The following ADAM23 variants were observed in gnomAD, a reference collection of about 807,000 sequenced individuals.
ADAM23 encodes ADAM metallopeptidase domain 23.
A neutral mutation model predicts 120.1 loss-of-function variants in ADAM23; 33 were observed. The observed-to-expected ratio is 0.27, with a 90% CI of 0.21 to 0.37. ADAM23 has a LOEUF of 0.37. Ranked by LOEUF, ADAM23 falls within the 10% of genes least tolerant of loss-of-function variation. ADAM23 has a pLI of 1.00. For missense variants in ADAM23, 862 were observed against 1,058.2 expected, an observed-to-expected ratio of 0.81 and a Z score of 2.57; for synonymous variants, 367 against 375.2, an observed-to-expected ratio of 0.98 and a Z score of 0.25.
At chr2:206,571,264 A>G (rs1448698926) in intron 16 of ADAM23, among the ~76,000 whole-genome samples, 1 of 151,806 alleles carries the variant, frequency 6.6e-6, no homozygotes, top group Non-Finnish European at 1.5e-5. Flanking sequence ...TCACGAGGTC[A>G]GGAGATAGAG....
At chr2:206,584,507 C>T (rs909889496) in intron 18 of ADAM23, among the ~76,000 whole-genome samples, 53 of 152,052 alleles carry the variant, frequency 3.5e-4, no homozygotes, top group African/African-American at 1.3e-3. Flanking sequence ...CTGGCTTCCC[C>T]CACTTTCCTG....
At chr2:206,488,785 T>G (rs946843594) in intron 3 of ADAM23, among the ~76,000 whole-genome samples, 14 of 152,108 alleles carry the variant, frequency 9.2e-5, no homozygotes, top group African/African-American at 3.4e-4. Context: ...GTGGAGCCCA[T>G]AGCAGGTGCT....
chr2:206,587,580 G>GAA (rs5838034), intron 19 of ADAM23, among the ~76,000 whole-genome samples: 12,292 of 147,574 alleles, frequency 0.083, 668 homozygotes, highest in East Asian at 0.19. Context: ...CAGATTAAGA[G>GAA]AAAAAAAAAA....
intron 11 of ADAM23, among the ~76,000 whole-genome samples, chr2:206,560,674 G>A (rs1175602893): frequency 6.6e-6 from 1 of 152,114 alleles, no homozygotes; most frequent in Non-Finnish European, 1.5e-5. Context: ...TCATGGCAAA[G>A]CTATTTTCAG....
intron 24 of ADAM23, among the ~76,000 whole-genome samples, chr2:206,600,037 TA>T: frequency 6.6e-6 from 1 of 152,242 alleles, no homozygotes; most frequent in South Asian, 2.1e-4. Context: ...TCGTCTCTAC[TA>T]AAAATACAAA....
At chr2:206,538,067 C>A (rs1427536740) in intron 4 of ADAM23, among the ~76,000 whole-genome samples, 2 of 152,092 alleles carry the variant, frequency 1.3e-5, no homozygotes, top group Non-Finnish European at 2.9e-5. Flanking sequence ...CTAGTCCTCA[C>A]AAAGCTATTT....
chr2:206,508,655 CAAAA>C (rs34489352), intron 3 of ADAM23, among the ~76,000 whole-genome samples: 4 of 100,920 alleles, frequency 4.0e-5, no homozygotes, highest in African/African-American at 3.9e-5. Context: ...ACTCTGTCTC[CAAAA>C]AAAAAAAAAA....
intron 3 of ADAM23, among the ~76,000 whole-genome samples, chr2:206,498,120 T>A (rs963003713): frequency 6.6e-6 from 1 of 152,106 alleles, no homozygotes; most frequent in Admixed American, 6.5e-5. Flanking sequence ...AAGCTACCAA[T>A]GACTTTCTTC....
chr2:206,575,457 A>G (rs1283321184), intron 18 of ADAM23, among the ~76,000 whole-genome samples: 1 of 152,136 alleles, frequency 6.6e-6, no homozygotes, highest in East Asian at 1.9e-4. Context: ...GCAGTTTATT[A>G]TTAGTAGTAT....
chr2:206,567,438 T>C, intron 15 of ADAM23, 116 bp downstream of exon 15: 1 of 705,316 alleles, frequency 1.4e-6, no homozygotes, highest in East Asian at 2.7e-5. Flanking sequence ...TCAATCAGAT[T>C]AATATTTAGT....
At chr2:206,478,544 G>A (rs753664968) in intron 2 of ADAM23, among the ~76,000 whole-genome samples, 26 of 141,310 alleles carry the variant, frequency 1.8e-4, no homozygotes, top group Non-Finnish European at 3.3e-4. Context: ...GATGATGATG[G>A]CGTGTGCCAG....
chr2:206,478,617 A>G (rs1209833172), intron 2 of ADAM23, among the ~76,000 whole-genome samples: 6 of 152,276 alleles, frequency 3.9e-5, no homozygotes, highest in African/African-American at 1.4e-4. Context: ...TCTTGGCCAC[A>G]TGTTCTTGTT....
intron 18 of ADAM23, among the ~76,000 whole-genome samples, chr2:206,579,143 G>T (rs1270256250): frequency 6.6e-6 from 1 of 152,030 alleles, no homozygotes; most frequent in African/African-American, 2.4e-5. Flanking sequence ...TTCTTTGTTA[G>T]ATGCATAGAT....
chr2:206,523,056 T>A (rs1696876486), intron 3 of ADAM23, among the ~76,000 whole-genome samples: 1 of 152,182 alleles, frequency 6.6e-6, no homozygotes, highest in African/African-American at 2.4e-5. Flanking sequence ...CACTGGCTTT[T>A]AGGCTGATCA....
chr2:206,466,057 G>T (rs1695535809), intron 2 of ADAM23, among the ~76,000 whole-genome samples: 1 of 152,104 alleles, frequency 6.6e-6, no homozygotes, highest in African/African-American at 2.4e-5. Context: ...ATGAGATATT[G>T]TATATGACAA....
At chr2:206,476,221 GT>G (rs1299768539) in intron 2 of ADAM23, among the ~76,000 whole-genome samples, 35 of 152,164 alleles carry the variant, frequency 2.3e-4, no homozygotes, top group African/African-American at 7.0e-4. Context: ...ACATTTTCTT[GT>G]CTATTGATAT....
chr2:206,606,915 A>G (rs1257995371), intron 24 of ADAM23, among the ~76,000 whole-genome samples: 1 of 152,192 alleles, frequency 6.6e-6, no homozygotes, highest in Non-Finnish European at 1.5e-5. Context: ...ATCACTAGAT[A>G]TCTTTGACTC....
chr2:206,517,771 T>C (rs1696765413), intron 3 of ADAM23, among the ~76,000 whole-genome samples: 1 of 152,202 alleles, frequency 6.6e-6, no homozygotes, highest in Non-Finnish European at 1.5e-5. Context: ...TCATATCTTC[T>C]CTAGTCCTAA....
chr2:206,477,880 T>TAAA (rs71034456), intron 2 of ADAM23, among the ~76,000 whole-genome samples: 143 of 109,158 alleles, frequency 1.3e-3, no homozygotes, highest in African/African-American at 4.3e-3. Flanking sequence ...AATATTCTGT[T>TAAA]AAAAAAAAAA....
Sources: gnomAD v4.1 joint callset for allele counts (sites outside exome capture counted in the v4.1 genomes callset) on GRCh38, gnomAD v4.1.1 for gene constraint, MANE v1.5 for transcripts, NCBI Gene and HGNC (gene_info 2026-07-23, HGNC 2026-07-21) for gene names.